HARBI1: variants seen among roughly 807,000 people sequenced by gnomAD.
The protein encoded by HARBI1 is harbinger transposase derived 1, also known as putative nuclease HARBI1.
A neutral mutation model predicts 25.3 loss-of-function variants in HARBI1; 15 were observed. The ratio of observed to expected loss-of-function variants is 0.59; its 90% confidence interval spans 0.40 to 0.91. The LOEUF (loss-of-function observed/expected upper bound fraction) is 0.91. Ranked by LOEUF, HARBI1 falls within the 40% of genes least tolerant of loss-of-function variation. HARBI1 has a pLI of 0.00. For synonymous variants in HARBI1, 168 were observed against 160.5 expected (o/e 1.05, Z -0.35); for missense variants, 396 against 445.8 (o/e 0.89, Z 1.01).
chr11:46,604,028 G>A, intron 2 of HARBI1, 119 bp from the exon 3 acceptor site: 1 of 1,423,528 alleles, frequency 7.0e-7, no homozygotes, highest in East Asian at 2.6e-5. Flanking sequence ...TGGCGCCAAA[G>A]CACACTAGAA....
intron 2 of HARBI1, among the ~76,000 whole-genome samples, chr11:46,613,904 C>T (rs984490188): frequency 2.0e-5 from 3 of 152,034 alleles, no homozygotes; most frequent in Non-Finnish European, 2.9e-5. Context: ...CTCCTGGATT[C>T]AAGTGACCCT....
chr11:46,607,504 A>T (rs2135383476), intron 2 of HARBI1, among the ~76,000 whole-genome samples: 1 of 152,334 alleles, frequency 6.6e-6, no homozygotes, highest in East Asian at 1.9e-4. Flanking sequence ...GAATACTGAA[A>T]ACTGGAGATG....
Position 46,617,130 on chromosome 11 carries a change from G to A in HARBI1, c.-151C>T. 1 of 428,102 alleles carries A rather than the reference G, an allele frequency of 2.3e-6. No individual in the cohort carries two copies. The highest frequency in any genetic ancestry group is 3.1e-6 in the Non-Finnish European group (1 of 320,846). 26.5% of individuals were successfully genotyped at this position (428,102 alleles called of 1,614,324 possible). On this transcript the variant is annotated 5_prime_UTR_variant, in exon 1 of 3. Transcript: ENST00000326737. ...GCCCAGGCCCGTCACCCACCTCTCC[G>A]CGGCTGCCAGGTTACCAGCCACACT... is the stretch of plus-strand genomic sequence containing the variant.
Position 46,616,297 on chromosome 11 carries a change from T to C in HARBI1, c.-60A>G, listed in dbSNP as rs2045458346. On this transcript the variant is annotated 5_prime_UTR_variant, in exon 2 of 3. Transcript: ENST00000326737. ...TTCTGAACTGTTCCCAATGAAGATG[T>C]TGGTGCAAGAACGTATTTTTAAGAA... The C allele has an allele frequency of 6.5e-7, 1 of 1,540,472 alleles. No individual in the cohort carries two copies. Among genetic ancestry groups the C allele is most frequent in the African/African-American group, 1.4e-5 (1 of 73,094 alleles).
intron 2 of HARBI1, among the ~76,000 whole-genome samples, chr11:46,606,317 C>CTT (rs770366276): frequency 6.9e-6 from 1 of 144,558 alleles, no homozygotes; most frequent in Non-Finnish European, 1.5e-5. Context: ...TGTGCTGGTA[C>CTT]TTTTTTTTTT....
At chr11:46,616,776 C>G (rs922765869) in intron 1 of HARBI1, 1 of 948,590 alleles carries the variant, frequency 1.1e-6, no homozygotes, top group Non-Finnish European at 1.2e-6. Flanking sequence ...TTTCACCTGA[C>G]AAATACAGGA....
chr11:46,609,416 C>T (rs969606319), intron 2 of HARBI1, among the ~76,000 whole-genome samples: 10 of 150,202 alleles, frequency 6.7e-5, no homozygotes, highest in Non-Finnish European at 1.2e-4. Flanking sequence ...GCAGGATCTC[C>T]GCCCACTGCA....
At chr11:46,611,959 G>A (rs1050981041) in intron 2 of HARBI1, among the ~76,000 whole-genome samples, 2 of 152,136 alleles carry the variant, frequency 1.3e-5, no homozygotes, top group Non-Finnish European at 2.9e-5. Flanking sequence ...GTACGGAGAA[G>A]CAACAATCAA....
At chr11:46,605,892 T>C (rs1013678299) in intron 2 of HARBI1, among the ~76,000 whole-genome samples, 2 of 149,226 alleles carry the variant, frequency 1.3e-5, no homozygotes, top group Non-Finnish European at 3.0e-5. Context: ...CAGTTTTTTG[T>C]TTGTTTGTTT....
chr11:46,615,833 G>A lies in HARBI1; in HGVS notation c.405C>T (p.Phe135=). 6.2e-7 allele frequency: 1 copy of A among 1,614,186 alleles called. No homozygotes were observed. Among genetic ancestry groups the A allele is most frequent in the South Asian group, 1.1e-5 (1 of 91,084 alleles). Residue 135 remains phenylalanine, a synonymous_variant, in exon 2 of 3, where the codon TTC becomes TTT. Transcript: ENST00000326737. Reference sequence around the variant, plus strand: ...CCCCTGGCATCCCTGCCAACCCATAGAATTCATCCTTCAGAGCCTGAATGG... The same window carrying A: ...CCCCTGGCATCCCTGCCAACCCATAAAATTCATCCTTCAGAGCCTGAATGG... ...EASIQALKDE[F]YGLAGMPGVM...
chr11:46,616,328 C>G lies in HARBI1; in HGVS notation c.-91G>C. The G allele has an allele frequency of 6.6e-7, 1 of 1,506,788 alleles. No homozygotes were observed. Among genetic ancestry groups the G allele is most frequent in the Middle Eastern group, 1.8e-4 (1 of 5,522 alleles). 93.3% of individuals were successfully genotyped at this position (1,506,788 alleles called of 1,614,324 possible). ...CAAGAACGTATTTTTAAGAAAGTAT[C>G]AGAATCCAACAGCTAACCACAGTTA... is the stretch of plus-strand genomic sequence containing the variant. On this transcript the variant is annotated 5_prime_UTR_variant, in exon 2 of 3. Transcript: ENST00000326737.
intron 2 of HARBI1, among the ~76,000 whole-genome samples, chr11:46,611,369 C>A (rs769216840): frequency 1.6e-4 from 24 of 152,032 alleles, no homozygotes; most frequent in Non-Finnish European, 2.6e-4. Flanking sequence ...AAAATGCTTA[C>A]AATATTGCCT....
chr11:46,615,075 G>A lies in HARBI1; in HGVS notation c.670+493C>T, dbSNP rs140042087. Among the ~76,000 whole-genome samples, 1,033 of 150,950 alleles carry A rather than the reference G, an allele frequency of 6.8e-3. 9 individuals are homozygous for A. Among genetic ancestry groups the A allele is most frequent in the Non-Finnish European group, 8.3e-3 (564 of 67,802 alleles). On this transcript the variant is annotated intron_variant, in intron 2 of 2. Coordinates refer to ENST00000326737, the MANE Select transcript of HARBI1 (RefSeq NM_173811.4). ...TTGCAGGCATGCGCTACTACGCCCG[G>A]CTAATTTTGTATTTTTAGTATAGAC...
At chr11:46,616,841 A>AAC in intron 1 of HARBI1, 2 of 764,338 alleles carry the variant, frequency 2.6e-6, no homozygotes, top group Non-Finnish European at 3.1e-6. Flanking sequence ...CAAAAAAAAA[A>AAC]AAAAAAAAAA....
intron 2 of HARBI1, 63 bp from the exon 3 acceptor site, chr11:46,603,972 T>C: frequency 6.6e-7 from 1 of 1,515,076 alleles, no homozygotes; most frequent in Non-Finnish European, 8.8e-7. Context: ...GGAAGTGAAA[T>C]TCAGAAAACA....
chr11:46,606,687 C>A (rs149723548), intron 2 of HARBI1, among the ~76,000 whole-genome samples: 1 of 152,138 alleles, frequency 6.6e-6, no homozygotes, highest in East Asian at 1.9e-4. Context: ...CTGTTGCCCA[C>A]GCTGAAGTGC....
At chr11:46,616,921 T>C in intron 1 of HARBI1, 1 of 982,454 alleles carries the variant, frequency 1.0e-6, no homozygotes, top group Non-Finnish European at 1.2e-6. Context: ...ACAAAAGGCT[T>C]TTCCCTCACT....
At chr11:46,616,406 T>C in intron 1 of HARBI1, 25 bp from the exon 2 acceptor site, 1 of 1,424,012 alleles carries the variant, frequency 7.0e-7, no homozygotes, top group Non-Finnish European at 9.1e-7. Flanking sequence ...AGAAAAAACA[T>C]TAGGAACCTA....
At chr11:46,613,978 T>G (rs1048096419) in intron 2 of HARBI1, among the ~76,000 whole-genome samples, 2 of 152,048 alleles carry the variant, frequency 1.3e-5, no homozygotes, top group African/African-American at 2.4e-5. Flanking sequence ...GACAGGATTG[T>G]TTTTATAAGG....
Sources: gnomAD v4.1 joint callset for allele counts (sites outside exome capture counted in the v4.1 genomes callset) on GRCh38, gnomAD v4.1.1 for gene constraint, MANE v1.5 for transcripts, NCBI Gene and HGNC (gene_info 2026-07-23, HGNC 2026-07-21) for gene names.